Variants in GABRB1 observed in about 807,000 individuals in gnomAD.
The protein encoded by GABRB1 is gamma-aminobutyric acid receptor subunit beta-1.
In GABRB1, 17 loss-of-function variants were observed where a neutral mutation model predicts 51.6. That is an observed-to-expected ratio of 0.33 (90% CI 0.23 to 0.49). GABRB1 has a LOEUF of 0.49. GABRB1 is among the 20% of genes least tolerant of loss of function. GABRB1 has a pLI of 0.99. For synonymous variants in GABRB1, 247 were observed against 218.9 expected (o/e 1.13, Z -1.14); for missense variants, 410 against 600.6 (o/e 0.68, Z 3.32).
At chr4:47,372,860 C>A (rs890300929) in intron 5 of GABRB1, among the ~76,000 whole-genome samples, 1 of 152,132 alleles carries the variant, frequency 6.6e-6, no homozygotes, top group African/African-American at 2.4e-5. Context: ...GATGTGAAGA[C>A]AAACAGCTAT....
chr4:47,098,147 TACAAACAC>T, intron 3 of GABRB1, among the ~76,000 whole-genome samples: 1 of 109,574 alleles, frequency 9.1e-6, no homozygotes, highest in African/African-American at 3.7e-5. Flanking sequence ...TAGTTTTTAG[TACAAACAC>T]ACACACACAC....
intron 1 of GABRB1, among the ~76,000 whole-genome samples, chr4:47,015,388 A>G (rs1323487750): frequency 6.6e-6 from 1 of 152,236 alleles, no homozygotes; most frequent in East Asian, 1.9e-4. Context: ...TATTCATTAT[A>G]TTTGAGAGAG....
At chr4:47,013,112 T>C (rs1724627858) in intron 1 of GABRB1, among the ~76,000 whole-genome samples, 1 of 149,548 alleles carries the variant, frequency 6.7e-6, no homozygotes, top group Non-Finnish European at 1.5e-5. Flanking sequence ...ACATGTCACT[T>C]TGTGCATTAG....
intron 5 of GABRB1, among the ~76,000 whole-genome samples, chr4:47,362,405 T>G (rs1435727563): frequency 6.6e-6 from 1 of 152,112 alleles, no homozygotes; most frequent in Non-Finnish European, 1.5e-5. Context: ...TGGAGTGACC[T>G]CAGCCATAAA....
intron 4 of GABRB1, among the ~76,000 whole-genome samples, chr4:47,185,426 G>A (rs1184474326): frequency 6.6e-6 from 1 of 151,768 alleles, no homozygotes; most frequent in Non-Finnish European, 1.5e-5. Context: ...CCCTACCATG[G>A]AGTTAAAGAT....
chr4:47,409,896 G>A (rs929430160), intron 8 of GABRB1, among the ~76,000 whole-genome samples: 4 of 152,222 alleles, frequency 2.6e-5, no homozygotes, highest in Non-Finnish European at 5.9e-5. Context: ...AAAGGCAGGA[G>A]GAAAGCCTAT....
At chr4:47,129,935 A>G (rs1320401938) in intron 3 of GABRB1, among the ~76,000 whole-genome samples, 2 of 152,212 alleles carry the variant, frequency 1.3e-5, no homozygotes, top group East Asian at 1.9e-4. Flanking sequence ...ATAAATAGAT[A>G]TAATCTGCCT....
At chr4:47,149,641 T>C (rs2109713094) in intron 3 of GABRB1, among the ~76,000 whole-genome samples, 1 of 152,142 alleles carries the variant, frequency 6.6e-6, no homozygotes, top group East Asian at 1.9e-4. Flanking sequence ...CTTTCCTAGT[T>C]AGGTCCAGTC....
chr4:47,316,107 T>C (rs1483387784), intron 4 of GABRB1, among the ~76,000 whole-genome samples: 1 of 151,880 alleles, frequency 6.6e-6, no homozygotes, highest in Non-Finnish European at 1.5e-5. Context: ...ACCTGTCCTA[T>C]GTTACTTTCT....
intron 1 of GABRB1, among the ~76,000 whole-genome samples, chr4:47,026,136 T>A (rs1725084425): frequency 1.3e-5 from 2 of 152,002 alleles, no homozygotes; most frequent in African/African-American, 4.8e-5. Context: ...GGCAACATAG[T>A]GAGACCTTAG....
At chr4:47,125,120 A>G (rs923046409) in intron 3 of GABRB1, among the ~76,000 whole-genome samples, 2 of 152,218 alleles carry the variant, frequency 1.3e-5, no homozygotes, top group African/African-American at 4.8e-5. Flanking sequence ...TCATGAGTCT[A>G]TCGCAGATTT....
intron 3 of GABRB1, among the ~76,000 whole-genome samples, chr4:47,125,387 G>A (rs1038313488): frequency 4.6e-5 from 7 of 151,518 alleles, no homozygotes; most frequent in African/African-American, 1.7e-4. Flanking sequence ...GAAAACATAC[G>A]AAAATATAAA....
At position 47,254,361 on chromosome 4, in the gene GABRB1, G is replaced by GTTTTTTTTTTTTTTTTTTTTT. The variant is rs56838956; in HGVS notation, c.462-65755_462-65735dup. On this transcript the variant is annotated intron_variant, in intron 4 of 8. Transcript: ENST00000295454. Reference sequence around the variant, plus strand: ...ATGGTGGATGATGTTTCTTTTCTTTGTTTTTTTTTTTTTTTTTTTTTTTTT... The same window carrying GTTTTTTTTTTTTTTTTTTTTT: ...ATGGTGGATGATGTTTCTTTTCTTTGTTTTTTTTTTTTTTTTTTTTTTTTTTTTTTTTTTTTTTTTTTTTTT... 1.6e-4 allele frequency among the ~76,000 whole-genome samples: 13 copies of GTTTTTTTTTTTTTTTTTTTTT among 80,966 alleles called. 1 individual carries two copies. Among genetic ancestry groups the GTTTTTTTTTTTTTTTTTTTTT allele is most frequent in the African/African-American group, 6.2e-4 (12 of 19,290 alleles). The allele number at this position is 80,966 out of a possible 152,430, so 53.1% of individuals were successfully genotyped here. A position where few individuals can be genotyped will look rare whatever the true frequency, so the allele number is the denominator to read the frequency against.
intron 4 of GABRB1, among the ~76,000 whole-genome samples, chr4:47,261,063 C>G (rs1396274600): frequency 2.0e-5 from 3 of 152,096 alleles, no homozygotes; most frequent in East Asian, 1.9e-4. Context: ...AATAATAAGA[C>G]CTATCTATGA....
chr4:47,072,283 G>A (rs1727372250), intron 3 of GABRB1, among the ~76,000 whole-genome samples: 1 of 152,148 alleles, frequency 6.6e-6, no homozygotes, highest in Non-Finnish European at 1.5e-5. Context: ...ATTTACCATA[G>A]AGATTACACA....
At chr4:47,219,122 G>A (rs901611287) in intron 4 of GABRB1, among the ~76,000 whole-genome samples, 25 of 151,760 alleles carry the variant, frequency 1.6e-4, no homozygotes, top group Admixed American at 1.4e-3. Flanking sequence ...AGTATTTGTG[G>A]GATTCTTATG....
At chr4:47,249,958 G>A (rs62303988) in intron 4 of GABRB1, among the ~76,000 whole-genome samples, 33,186 of 151,948 alleles carry the variant, frequency 0.22, 3,866 homozygotes, top group African/African-American at 0.29. Context: ...AGGTACGGTT[G>A]CATTCATCGT....
intron 5 of GABRB1, among the ~76,000 whole-genome samples, chr4:47,356,979 C>G (rs1459637632): frequency 6.6e-6 from 1 of 152,108 alleles, no homozygotes; most frequent in Non-Finnish European, 1.5e-5. Flanking sequence ...ATTTGCTTTT[C>G]AAATGGAGAG....
chr4:47,307,217 A>G (rs1724504301), intron 4 of GABRB1, among the ~76,000 whole-genome samples: 1 of 152,116 alleles, frequency 6.6e-6, no homozygotes. Flanking sequence ...TTATTTTTAA[A>G]AAACTAGTGT....
Sources: allele counts gnomAD v4.1 joint callset (sites outside exome capture counted in the v4.1 genomes callset), GRCh38; gene constraint gnomAD v4.1.1; transcripts MANE v1.5; gene names NCBI Gene and HGNC (gene_info 2026-07-23, HGNC 2026-07-21).